The following TTLL12 variants were observed in gnomAD, a reference collection of about 807,000 sequenced individuals.
TTLL12 encodes tubulin tyrosine ligase like 12.
TTLL12 carries 77 observed loss-of-function variants against 79.6 expected under a neutral mutation model. The ratio of observed to expected loss-of-function variants is 0.97; its 90% CI spans 0.81 to 1.17. The LOEUF (loss-of-function observed/expected upper bound fraction) is 1.17. TTLL12 is among the 50% of genes most tolerant of loss of function. The pLI is 0.00. For synonymous variants in TTLL12, 437 were observed against 376.1 expected (o/e 1.16, Z -1.87); for missense variants, 969 against 895.9 (o/e 1.08, Z -1.04).
Position 43,170,317 on chromosome 22 carries a change from A to G in TTLL12, c.1576-749T>C, listed in dbSNP as rs1031583908. 4 of 219,662 alleles carry G rather than the reference A, an allele frequency of 1.8e-5. No homozygotes were observed. In the South Asian group the frequency reaches 2.7e-4, roughly 15 times the overall value. The allele number at this position is 219,662 out of a possible 1,614,324, so 13.6% of individuals were successfully genotyped here. A position where few individuals can be genotyped will look rare whatever the true frequency, so the allele number is the denominator to read the frequency against. ...GGAGTAGGCTTCAACACAGGCAAGG[A>G]TAAGACAGACAGAAGCAACAGGACC... On this transcript the variant is annotated intron_variant, in intron 11 of 13. Transcript: ENST00000216129.
At chr22:43,168,696 C>T in intron 13 of TTLL12, 78 bp downstream of exon 13, 1 of 1,528,674 alleles carries the variant, frequency 6.5e-7, no homozygotes, top group Non-Finnish European at 8.8e-7. Context: ...GGGCAGCTGC[C>T]TGCCTTCTCC....
At chr22:43,185,471 T>A (rs1197035227) in intron 1 of TTLL12, among the ~76,000 whole-genome samples, 2 of 151,828 alleles carry the variant, frequency 1.3e-5, no homozygotes, top group East Asian at 3.9e-4. Context: ...CAGGAAGAGC[T>A]GCAAGTTTGT....
chr22:43,172,650 C>T (rs1931797409), intron 9 of TTLL12, 96 bp from the exon 10 acceptor site: 1 of 1,352,520 alleles, frequency 7.4e-7, no homozygotes, highest in Non-Finnish European at 1.0e-6. Context: ...GACATGGCTG[C>T]ACTTTACTCC....
intron 11 of TTLL12, among the ~76,000 whole-genome samples, chr22:43,171,331 G>A (rs1294604018): frequency 6.6e-6 from 1 of 152,210 alleles, no homozygotes; most frequent in Non-Finnish European, 1.5e-5. Context: ...TGGTGCAGCT[G>A]CCATTCACTG....
At chr22:43,172,362 C>A in intron 10 of TTLL12, 41 bp downstream of exon 10, 1 of 1,604,196 alleles carries the variant, frequency 6.2e-7, no homozygotes, top group Non-Finnish European at 8.5e-7. Flanking sequence ...CACCCGGTCA[C>A]CCAGCTCCCC....
In TTLL12 at chr22:43,183,117, C is replaced by T. The variant is rs372947951; in HGVS notation, c.210G>A (p.Met70Ile). The T allele has an allele frequency of 6.2e-7, 1 of 1,613,836 alleles. No individual in the cohort carries two copies. The highest frequency in any genetic ancestry group is 1.3e-5 in the African/African-American group (1 of 74,926). ...VFDAGEVFGI[M>I]QVEEVEEEED... ...CCTCCTCTTCTACCTCCTCCACTTG[C>T]ATGATCCCAAACACTTCCCCAGCGT... is the stretch of plus-strand genomic sequence containing the variant. Residue 70 changes from methionine to isoleucine, a missense_variant, in exon 2 of 14, where the codon ATG becomes ATA. By Grantham distance (10) the Met-to-Ile change is conservative (BLOSUM62 1). Coordinates refer to ENST00000216129, the MANE Select transcript of TTLL12 (RefSeq NM_015140.4).
At chr22:43,178,138 A>G (rs1394735396) in intron 5 of TTLL12, among the ~76,000 whole-genome samples, 1 of 152,160 alleles carries the variant, frequency 6.6e-6, no homozygotes, top group Non-Finnish European at 1.5e-5. Context: ...TTCCTGGTGC[A>G]GGGGCTCTGG....
chr22:43,181,256 A>G (rs1932049664), intron 2 of TTLL12, among the ~76,000 whole-genome samples: 1 of 152,228 alleles, frequency 6.6e-6, no homozygotes, highest in Non-Finnish European at 1.5e-5. Context: ...TGGTACACCT[A>G]CTGTCCACCA....
chr22:43,187,130 GCCCTGCCCTCCCGCCTCCGC>G, exon 1 of TTLL12: 2 of 989,716 alleles, frequency 2.0e-6, no homozygotes, highest in Non-Finnish European at 2.4e-6. Flanking sequence ...CCGTCCGTCG[GCCCTGCCCTCCCGCCTCCGC>G]CCCCTGCCCC....
Position 43,180,891 on chromosome 22 carries a change from G to T in TTLL12, c.397C>A (p.Gln133Lys). The change falls in exon 3 of 14, where the codon CAG becomes AAG. Residue 133 changes from glutamine to lysine, a missense_variant. By Grantham distance (53) the Gln-to-Lys change is moderately conservative (BLOSUM62 1). Coordinates refer to ENST00000216129, the MANE Select transcript of TTLL12 (RefSeq NM_015140.4). ...AGCCCGGGCACCTGCTGCAGCTGCT[G>T]GCGCGCGTGCTCCACACGGCACGTC... is the stretch of plus-strand genomic sequence containing the variant. The part of the protein sequence containing the change: ...AWTCRVEHAR[Q>K]QLQQVPGLLH... The T allele has an allele frequency of 1.2e-6, 2 of 1,612,826 alleles. No individual in the cohort carries two copies. The highest frequency in any genetic ancestry group is 2.2e-5 in the South Asian group (2 of 91,068).
At chr22:43,185,923 A>C in intron 1 of TTLL12, 1 of 979,406 alleles carries the variant, frequency 1.0e-6, no homozygotes, top group Non-Finnish European at 1.2e-6. Context: ...GGCAGAGGAA[A>C]CTCTCTGTTA....
chr22:43,179,008 C>G (rs1931984224), intron 5 of TTLL12, among the ~76,000 whole-genome samples: 1 of 152,138 alleles, frequency 6.6e-6, no homozygotes. Flanking sequence ...CCAGCCCTGA[C>G]TGGTTCTGGA....
intron 2 of TTLL12, among the ~76,000 whole-genome samples, chr22:43,181,787 T>C (rs1003233709): frequency 5.9e-5 from 9 of 152,206 alleles, no homozygotes; most frequent in African/African-American, 2.2e-4. Flanking sequence ...ATTTATCTTA[T>C]TGTGCTTATA....
At chr22:43,178,111 A>G (rs1282477617) in intron 5 of TTLL12, among the ~76,000 whole-genome samples, 3 of 152,094 alleles carry the variant, frequency 2.0e-5, no homozygotes, top group Non-Finnish European at 4.4e-5. Context: ...TTTTCAGACA[A>G]ACGTGTACTA....
At chr22:43,168,591 C>T (rs539913705) in intron 13 of TTLL12, among the ~76,000 whole-genome samples, 183 bp downstream of exon 13, 1 of 152,330 alleles carries the variant, frequency 6.6e-6, no homozygotes, top group South Asian at 2.1e-4. Context: ...GCAGCCTTTC[C>T]CCTCCAGACT....
At chr22:43,184,001 G>A (rs1932121824) in intron 1 of TTLL12, among the ~76,000 whole-genome samples, 1 of 152,252 alleles carries the variant, frequency 6.6e-6, no homozygotes, top group Non-Finnish European at 1.5e-5. Flanking sequence ...GGGAGGATTA[G>A]GTGATTCATA....
chr22:43,186,434 C>A (rs1446476384), intron 1 of TTLL12, among the ~76,000 whole-genome samples: 1 of 152,182 alleles, frequency 6.6e-6, no homozygotes, highest in African/African-American at 2.4e-5. Flanking sequence ...GATGAGGGGA[C>A]CCCGAGGCTC....
chr22:43,172,355 C>G (rs1931787285), intron 10 of TTLL12, 48 bp downstream of exon 10: 2 of 1,601,286 alleles, frequency 1.2e-6, no homozygotes, highest in African/African-American at 2.7e-5. Flanking sequence ...CTACCTCCAC[C>G]CGGTCACCCA....
At position 43,179,674 on chromosome 22, in the gene TTLL12, G is replaced by A; in HGVS notation, c.785C>T (p.Thr262Ile). Residue 262 changes from threonine (T) to isoleucine (I), a missense_variant, in exon 5 of 14, where the codon ACC becomes ATC. Transcript: ENST00000216129. ...RKCMLLPWAP[T>I]DMLDLSSCTP... ...GCAAGAGCTGAGGTCCAGCATGTCGGTGGGGGCCCAGGGCAGCAGCATGCA... is the reference window on the plus strand; with the variant it reads ...GCAAGAGCTGAGGTCCAGCATGTCGATGGGGGCCCAGGGCAGCAGCATGCA... 1 of 1,580,356 alleles carries A rather than the reference G, an allele frequency of 6.3e-7. No individual in the cohort carries two copies. The highest frequency in any genetic ancestry group is 8.6e-7 in the Non-Finnish European group (1 of 1,164,314).
Sources: gnomAD v4.1 joint callset for allele counts (sites outside exome capture counted in the v4.1 genomes callset) on GRCh38, gnomAD v4.1.1 for gene constraint, MANE v1.5 for transcripts, NCBI Gene and HGNC (gene_info 2026-07-23, HGNC 2026-07-21) for gene names.